Variants in FANCD2 observed in about 807,000 individuals in gnomAD.
FANCD2 encodes Fanconi anemia group D2 protein.
FANCD2 carries 131 observed loss-of-function variants against 192.3 expected under a neutral mutation model. The ratio of observed to expected loss-of-function variants is 0.68; its 90% CI spans 0.59 to 0.79. FANCD2 has a LOEUF of 0.79. Among genes scored for constraint, FANCD2 ranks in the 30% least tolerant of loss-of-function variants. The probability of loss-of-function intolerance (pLI) is 0.00; values close to 1 mark genes in which losing one functional copy is unlikely to be tolerated. For synonymous variants in FANCD2, 524 were observed against 612.5 expected (o/e 0.86, Z 2.13); for missense variants, 1,508 against 1,701.6 (o/e 0.89, Z 2.00).
At chr3:10,034,248 C>G (rs1006862965) in intron 3 of FANCD2, among the ~76,000 whole-genome samples, 2 of 147,726 alleles carry the variant, frequency 1.4e-5, no homozygotes, top group Non-Finnish European at 1.5e-5. Flanking sequence ...TCATTTGAAC[C>G]CAGGAGGCGG....
intron 42 of FANCD2, 59 bp downstream of exon 42, chr3:10,096,531 G>T: frequency 6.5e-7 from 1 of 1,546,906 alleles, no homozygotes; most frequent in Non-Finnish European, 8.9e-7. Context: ...GACAGCATCA[G>T]ATGGCATGTA....
At chr3:10,101,092 A>G (rs1695271498) in intron 43 of FANCD2, 96 bp from the exon 44 acceptor site, 3 of 926,714 alleles carry the variant, frequency 3.2e-6, no homozygotes, top group Non-Finnish European at 5.2e-6. Flanking sequence ...TTTAACAGTG[A>G]TAATAGTACA....
intron 19 of FANCD2, among the ~76,000 whole-genome samples, chr3:10,061,079 G>A (rs915306215): frequency 5.9e-5 from 9 of 152,078 alleles, no homozygotes; most frequent in Non-Finnish European, 5.9e-5. Flanking sequence ...GCCCTCCTGC[G>A]CCCAACTTAA....
chr3:10,046,430 T>G (rs1392786674), intron 14 of FANCD2, 150 bp from the exon 15 acceptor site: 1 of 1,315,952 alleles, frequency 7.6e-7, no homozygotes, highest in African/African-American at 1.5e-5. Flanking sequence ...CTGAGTTTTG[T>G]GAAAAGTGTA....
At chr3:10,056,958 G>A (rs1261182546) in intron 18 of FANCD2, among the ~76,000 whole-genome samples, 4 of 151,804 alleles carry the variant, frequency 2.6e-5, no homozygotes, top group Admixed American at 6.6e-5. Flanking sequence ...AGGCTCAAGC[G>A]ATCCTCCCAT....
intron 29 of FANCD2, among the ~76,000 whole-genome samples, chr3:10,077,129 C>T (rs546290687): frequency 2.1e-5 from 3 of 143,028 alleles, no homozygotes; most frequent in East Asian, 1.9e-4. Flanking sequence ...GCTACCTGGG[C>T]GGCTGAGGTG....
At position 10,039,716 on chromosome 3, in the gene FANCD2, T is replaced by C. The variant is rs1483747674; in HGVS notation, c.571-5T>C. The C allele has an allele frequency of 6.2e-7, 1 of 1,614,008 alleles. No homozygotes were observed. The highest frequency in any genetic ancestry group is 8.5e-7 in the Non-Finnish European group (1 of 1,180,022). On this transcript the variant is annotated splice_region_variant and splice_polypyrimidine_tract_variant and intron_variant, in intron 8 of 43. Transcript: ENST00000675286. Reference sequence around the variant, plus strand: ...CTGCAGTTCTAATAGTGTCTTCTACTGCAGGACCTCACCACCAAGATCATG... The same window carrying C: ...CTGCAGTTCTAATAGTGTCTTCTACCGCAGGACCTCACCACCAAGATCATG...
In FANCD2 at chr3:10,027,483, C is replaced by T. The variant is rs143230666; in HGVS notation, c.-34+1010C>T. Among the ~76,000 whole-genome samples, 1,256 of 152,302 alleles carry T rather than the reference C, an allele frequency of 8.2e-3. 21 individuals are homozygous for T. Among genetic ancestry groups the T allele is most frequent in the African/African-American group, 0.028 (1,178 of 41,552 alleles). On this transcript the variant is annotated intron_variant, in intron 1 of 43. Coordinates refer to ENST00000675286, the MANE Select transcript of FANCD2 (RefSeq NM_001018115.3). The stretch of plus-strand genomic sequence containing the variant: ...TCATGTGATTCAGGCACTTCCCCCA[C>T]CTCTGCTGTCTGATTTCTAACTCCA...
intron 30 of FANCD2, among the ~76,000 whole-genome samples, chr3:10,078,871 A>T (rs1346712938): frequency 6.6e-6 from 1 of 151,750 alleles, no homozygotes; most frequent in Non-Finnish European, 1.5e-5. Flanking sequence ...AGGCTGAGGC[A>T]TGGGGAGGAG....
Position 10,034,011 on chromosome 3 carries a change from T to C in FANCD2, c.206-458T>C, listed in dbSNP as rs373195489. Among the ~76,000 whole-genome samples the C allele has an allele frequency of 5.3e-5, 8 of 150,744 alleles. No homozygotes were observed. The East Asian group carries it at 1.6e-3, about 30-fold the overall frequency. The stretch of plus-strand genomic sequence containing the variant: ...CGCGCCCAGCCAAAGCTAAGTCTTT[T>C]ATGTGGGTTTAGACACAACCCCATG... On this transcript the variant is annotated intron_variant, in intron 3 of 43. Transcript: ENST00000675286.
chr3:10,095,570 A>G lies in FANCD2; in HGVS notation c.4038+296A>G, dbSNP rs1455350226. 3.3e-5 allele frequency among the ~76,000 whole-genome samples: 5 copies of G among 152,350 alleles called. No homozygotes were observed. In the South Asian group the frequency reaches 6.2e-4, roughly 19 times the overall value. Reference sequence around the variant, plus strand: ...TTACTTCTGCAAAGTCCTCTAGGTAACAGGACTGTGATGTAAGTGATGATC... The same window carrying G: ...TTACTTCTGCAAAGTCCTCTAGGTAGCAGGACTGTGATGTAAGTGATGATC... On this transcript the variant is annotated intron_variant, in intron 41 of 43. Transcript: ENST00000675286.
chr3:10,073,438 C>A, intron 28 of FANCD2, 76 bp downstream of exon 28: 1 of 1,171,578 alleles, frequency 8.5e-7, no homozygotes, highest in Non-Finnish European at 1.3e-6. Context: ...TTATTCTCGG[C>A]ATTTTACAAA....
rs397948524 is a variant in FANCD2 at position 10,045,101 on chromosome 3, T to TTTTTTTTTTTTTTC, written c.1134+1237_1134+1238insTTTTTTTTTTTTTC. 9.4e-5 allele frequency among the ~76,000 whole-genome samples: 14 copies of TTTTTTTTTTTTTTC among 149,172 alleles called. 1 individual carries two copies. Among genetic ancestry groups the TTTTTTTTTTTTTTC allele is most frequent in the African/African-American group, 3.6e-4 (14 of 38,860 alleles). On this transcript the variant is annotated intron_variant, in intron 14 of 43. Coordinates refer to ENST00000675286, the MANE Select transcript of FANCD2 (RefSeq NM_001018115.3). ...GCCTTTTTAACTGTTTTTTTTTTTT[T>TTTTTTTTTTTTTTC]CCTGGAAGCATAGACTCAGGTTGCC...
At chr3:10,096,246 A>C (rs1347206160) in intron 41 of FANCD2, 80 bp from the exon 42 acceptor site, 2 of 1,468,744 alleles carry the variant, frequency 1.4e-6, no homozygotes, top group African/African-American at 2.8e-5. Flanking sequence ...GTTCTTATTC[A>C]ACATTCAAAG....
In FANCD2 at chr3:10,067,334, A is replaced by G. The variant is rs1239368591; in HGVS notation, c.2494+17A>G. 1.4e-6 allele frequency: 2 copies of G among 1,463,112 alleles called. No homozygotes were observed. The highest frequency in any genetic ancestry group is 1.9e-6 in the Non-Finnish European group (2 of 1,043,912). The allele number at this position is 1,463,112 out of a possible 1,614,324, so 90.6% of individuals were successfully genotyped here. Reference sequence around the variant, plus strand: ...ACTTGGCAGGTAAGAGAAGTGTCCTATACTGGTAGTACTACTAGGCCAGTA... The same window carrying G: ...ACTTGGCAGGTAAGAGAAGTGTCCTGTACTGGTAGTACTACTAGGCCAGTA... On this transcript the variant is annotated intron_variant, in intron 26 of 43. Coordinates refer to ENST00000675286, the MANE Select transcript of FANCD2 (RefSeq NM_001018115.3).
At chr3:10,080,159 C>T (rs752725991) in intron 30 of FANCD2, among the ~76,000 whole-genome samples, 1 of 152,110 alleles carries the variant, frequency 6.6e-6, no homozygotes, top group Admixed American at 6.5e-5. Context: ...ATGATCCACC[C>T]GCCTTGGCCT....
intron 40 of FANCD2, among the ~76,000 whole-genome samples, chr3:10,094,706 TA>T (rs950105118): frequency 4.5e-4 from 66 of 147,442 alleles, no homozygotes; most frequent in Non-Finnish European, 4.5e-4. Context: ...GAAATGATTT[TA>T]AAAAAAAAAA....
chr3:10,050,622 C>CA (rs58316932), intron 17 of FANCD2, among the ~76,000 whole-genome samples: 2,808 of 58,678 alleles, frequency 0.048, 146 homozygotes, highest in African/African-American at 0.09. Context: ...GACTCTGTCT[C>CA]AAAAAAAAAA....
chr3:10,052,425 A>T lies in FANCD2; in HGVS notation c.1584A>T (p.Gln528His), dbSNP rs1324571856. ...LDYLDNISPQ[Q>H]IRKLFYVLST... is the part of the protein sequence containing the mutation. Reference sequence around the variant, plus strand: ...ATCTGGATAACATATCCCCTCAGCAAATACGAAAACTCTTCTATGTTCTCA... The same window carrying T: ...ATCTGGATAACATATCCCCTCAGCATATACGAAAACTCTTCTATGTTCTCA... Residue 528 changes from glutamine (Q) to histidine (H), a missense_variant, in exon 18 of 44, where the codon CAA becomes CAT. Physicochemically the swap from Gln to His is conservative, Grantham distance 24. Coordinates refer to ENST00000675286, the MANE Select transcript of FANCD2 (RefSeq NM_001018115.3). 2.5e-6 allele frequency: 4 copies of T among 1,613,384 alleles called. No individual in the cohort carries two copies. The Admixed American group carries it at 6.7e-5, about 27-fold the overall frequency.
Sources: allele counts gnomAD v4.1 joint callset (sites outside exome capture counted in the v4.1 genomes callset), GRCh38; gene constraint gnomAD v4.1.1; transcripts MANE v1.5; gene names NCBI Gene and HGNC (gene_info 2026-07-23, HGNC 2026-07-21).